Variants in HTR6 observed in about 807,000 individuals in gnomAD.
HTR6 encodes the protein 5-hydroxytryptamine receptor 6, also known as 5-hydroxytryptamine (serotonin) receptor 6, G protein-coupled.
A neutral mutation model predicts 17.4 loss-of-function variants in HTR6; 15 were observed. That is an observed-to-expected ratio of 0.86 (90% confidence interval 0.58 to 1.33). HTR6 has a LOEUF of 1.33. Among genes scored for constraint, HTR6 ranks in the 40% most tolerant of loss-of-function variants. The pLI, the probability that HTR6 is intolerant of heterozygous loss-of-function variation, is 0.00. For missense variants in HTR6, 578 were observed against 616.0 expected, an observed-to-expected ratio of 0.94 and a Z score of 0.65; for synonymous variants, 326 against 295.5, an observed-to-expected ratio of 1.10 and a Z score of -1.06.
Position 19,679,367 on chromosome 1 carries a change from G to C in HTR6, c.1322G>C (p.Ter441SerextTer69), listed in dbSNP as rs369184848. The C allele has an allele frequency of 3.2e-6, 5 of 1,582,300 alleles. No homozygotes were observed. The highest frequency in any genetic ancestry group is 4.3e-6 in the Non-Finnish European group (5 of 1,161,998). Reference sequence around the variant, plus strand: ...CATCCACTTGGCATCCCCACGAACTGACCCGGGCTTGGGGCTGGCCAATGG... The same window carrying C: ...CATCCACTTGGCATCCCCACGAACTCACCCGGGCTTGGGGCTGGCCAATGG... The part of the protein sequence containing the change: ...RPHPLGIPTN[*>S] Residue 441 changes from the stop codon to serine, a stop_lost, in exon 3 of 3, where the codon TGA becomes TCA. Transcript: ENST00000289753. The surrounding 1 kb of genome is among the most constrained non-coding windows in gnomAD (Gnocchi z 4.9).
chr1:19,666,055 T>C lies in HTR6; in HGVS notation c.302T>C (p.Leu101Pro). 6.2e-7 allele frequency: 1 copy of C among 1,613,344 alleles called. No homozygotes were observed. Among genetic ancestry groups the C allele is most frequent in the Middle Eastern group, 1.6e-4 (1 of 6,062 alleles). Residue 101 changes from leucine to proline, a missense_variant, in exon 1 of 3, where the codon CTC becomes CCC. Leu to Pro is a moderately conservative substitution (Grantham distance 98). Coordinates refer to ENST00000289753, the MANE Select transcript of HTR6 (RefSeq NM_000871.3). The surrounding 1 kb of genome is among the most constrained non-coding windows in gnomAD (Gnocchi z 4.5). The part of the protein sequence containing the change: ...RWVLARGLCL[L>P]WTAFDVMCCS... ...GTGCTGGCGCGCGGCCTCTGCCTGC[T>C]CTGGACCGCCTTCGACGTGATGTGC...
intron 1 of HTR6, among the ~76,000 whole-genome samples, chr1:19,677,325 A>G (rs912042564): frequency 2.6e-5 from 4 of 152,150 alleles, no homozygotes; most frequent in Non-Finnish European, 2.9e-5. Flanking sequence ...CAGCTCAGAG[A>G]GCCCTTTGGG....
Position 19,666,155 on chromosome 1 carries a change from C to T in HTR6, c.402C>T (p.Tyr134=). ...TGCTCATCCTCTCGCCGCTGCGCTA[C>T]AAGCTGCGCATGACGCCCCTGCGTG... ...RYLLILSPLR[Y]KLRMTPLRAL... is the part of the protein sequence containing the mutation. Residue 134 remains tyrosine (Y), a synonymous_variant, in exon 1 of 3, where the codon TAC becomes TAT. Transcript: ENST00000289753. This position sits in a 1 kb window ranked among gnomAD's most constrained non-coding sequence, Gnocchi z 4.5. The T allele has an allele frequency of 6.2e-7, 1 of 1,611,702 alleles. No individual in the cohort carries two copies. The highest frequency in any genetic ancestry group is 8.5e-7 in the Non-Finnish European group (1 of 1,179,898).
Position 19,679,162 on chromosome 1 carries a change from C to A in HTR6, c.1117C>A (p.Pro373Thr). 6.3e-7 allele frequency: 1 copy of A among 1,598,288 alleles called. No homozygotes were observed. The highest frequency in any genetic ancestry group is 8.5e-7 in the Non-Finnish European group (1 of 1,174,472). ...GLSLQQVLPL[P>T]LPPDSDSDSD... ...TAGCCTACAGCAGGTGCTGCCGCTG[C>A]CCCTGCCGCCGGACTCAGATTCGGA... is the stretch of plus-strand genomic sequence containing the variant. The change falls in exon 3 of 3, where the codon CCC becomes ACC. Residue 373 changes from proline to threonine, a missense_variant. Transcript: ENST00000289753. The surrounding 1 kb of genome is among the most constrained non-coding windows in gnomAD (Gnocchi z 4.9).
chr1:19,675,886 G>A (rs536536774), intron 1 of HTR6, among the ~76,000 whole-genome samples: 1 of 152,218 alleles, frequency 6.6e-6, no homozygotes, highest in Admixed American at 6.5e-5. Flanking sequence ...CTCTGGAGGA[G>A]AGAAAACTAG....
intron 2 of HTR6, 73 bp downstream of exon 2, chr1:19,678,798 G>T (rs2095097544): frequency 6.4e-7 from 1 of 1,567,474 alleles, no homozygotes; most frequent in Non-Finnish European, 8.7e-7. Flanking sequence ...CAGGCATGGG[G>T]ACAGGGGAGG....
At chr1:19,670,543 C>T (rs1253653387) in intron 1 of HTR6, among the ~76,000 whole-genome samples, 1 of 151,036 alleles carries the variant, frequency 6.6e-6, no homozygotes, top group Non-Finnish European at 1.5e-5. Flanking sequence ...TGGCCCACTG[C>T]AACCTCCGCT....
intron 1 of HTR6, among the ~76,000 whole-genome samples, chr1:19,676,767 C>A (rs982515848): frequency 1.3e-5 from 2 of 152,322 alleles, no homozygotes; most frequent in Non-Finnish European, 2.9e-5. Flanking sequence ...TGGCTCTGCT[C>A]CTGCCTCCTT....
Position 19,666,609 on chromosome 1 carries a change from C to T in HTR6, c.714+142C>T, listed in dbSNP as rs765049805. On this transcript the variant is annotated intron_variant, in intron 1 of 2. Transcript: ENST00000289753. The surrounding 1 kb of genome is among the most constrained non-coding windows in gnomAD (Gnocchi z 4.5). ...TGTGAGCGCCCACCTTTCTTCTGAA[C>T]TCCAGAGCCAATGCCTGACCCACCC... 2.8e-5 allele frequency: 18 copies of T among 648,988 alleles called. No individual in the cohort carries two copies. The highest frequency in any genetic ancestry group is 2.1e-4 in the Admixed American group (7 of 34,022). The allele number at this position is 648,988 out of a possible 1,614,324, so 40.2% of individuals were successfully genotyped here.
Position 19,665,982 on chromosome 1 carries a change from CTGG to C in HTR6, c.235_237del (p.Val79del). On this transcript the variant is annotated inframe_deletion, in exon 1 of 3. Coordinates refer to ENST00000289753, the MANE Select transcript of HTR6 (RefSeq NM_000871.3). This position sits in a 1 kb window ranked among gnomAD's most constrained non-coding sequence, Gnocchi z 4.2. ...CTTCACGTCTGACCTGATGGTGGGG[CTGG>C]TGGTGATGCCGCCGGCCATGCTGAA... is the stretch of plus-strand genomic sequence containing the variant. 1 of 1,613,956 alleles carries C rather than the reference CTGG, an allele frequency of 6.2e-7. No homozygotes were observed. The highest frequency in any genetic ancestry group is 8.5e-7 in the Non-Finnish European group (1 of 1,179,914).
intron 1 of HTR6, among the ~76,000 whole-genome samples, chr1:19,677,631 G>C (rs1386093294): frequency 6.6e-6 from 1 of 152,204 alleles, no homozygotes; most frequent in East Asian, 1.9e-4. Context: ...AATTGCCCAG[G>C]CAAGACTATT....
rs141714787 is a variant in HTR6 at position 19,680,798 on chromosome 1, C to T, written c.*1430C>T. ...CCCTGCCTCCCCCAAGTTCCATCAA[C>T]ACAAACTCCCAGGGGGTCCTCCATG... On this transcript the variant is annotated 3_prime_UTR_variant, in exon 3 of 3. Coordinates refer to ENST00000289753, the MANE Select transcript of HTR6 (RefSeq NM_000871.3). Among the ~76,000 whole-genome samples, 85 of 152,324 alleles carry T rather than the reference C, an allele frequency of 5.6e-4. No individual in the cohort carries two copies. The highest frequency in any genetic ancestry group is 2.0e-3 in the African/African-American group (82 of 41,572).
chr1:19,679,694 C>A lies in HTR6; in HGVS notation c.*326C>A. On this transcript the variant is annotated 3_prime_UTR_variant, in exon 3 of 3. Transcript: ENST00000289753. This position sits in a 1 kb window ranked among gnomAD's most constrained non-coding sequence, Gnocchi z 4.9. Reference sequence around the variant, plus strand: ...GATGAAAACAATCATGACCTTTGCCCATTCTGTCAGGCTGGACGGGAGGGA... The same window carrying A: ...GATGAAAACAATCATGACCTTTGCCAATTCTGTCAGGCTGGACGGGAGGGA... The A allele has an allele frequency of 3.1e-6, 1 of 318,268 alleles. No individual in the cohort carries two copies. Among genetic ancestry groups the A allele is most frequent in the Non-Finnish European group, 5.8e-6 (1 of 173,718 alleles). The allele number at this position is 318,268 out of a possible 1,614,324, so 19.7% of individuals were successfully genotyped here. A position where few individuals can be genotyped will look rare whatever the true frequency, so the allele number is the denominator to read the frequency against.
intron 1 of HTR6, among the ~76,000 whole-genome samples, chr1:19,667,003 T>G (rs989156643): frequency 2.0e-5 from 3 of 152,054 alleles, no homozygotes; most frequent in African/African-American, 7.2e-5. Flanking sequence ...CTCCCCTGCT[T>G]CAGACTCTTC....
chr1:19,675,992 G>C (rs1322012158), intron 1 of HTR6, among the ~76,000 whole-genome samples: 2 of 152,110 alleles, frequency 1.3e-5, no homozygotes, highest in South Asian at 2.1e-4. Context: ...AGTCGGAGGA[G>C]AGCATCCTCT....
chr1:19,677,757 G>A (rs898336632), intron 1 of HTR6, among the ~76,000 whole-genome samples: 2 of 152,196 alleles, frequency 1.3e-5, no homozygotes, highest in African/African-American at 4.8e-5. Flanking sequence ...GTCTGTGTGT[G>A]TGACAGAGTC....
intron 1 of HTR6, among the ~76,000 whole-genome samples, chr1:19,675,804 T>C (rs1260697480): frequency 2.0e-5 from 3 of 152,092 alleles, no homozygotes; most frequent in Non-Finnish European, 2.9e-5. Context: ...TCTTAGGAGA[T>C]TCTTTTGGGG....
chr1:19,679,933 C>A lies in HTR6; in HGVS notation c.*565C>A, dbSNP rs776956896. On this transcript the variant is annotated 3_prime_UTR_variant, in exon 3 of 3. Transcript: ENST00000289753. This position sits in a 1 kb window ranked among gnomAD's most constrained non-coding sequence, Gnocchi z 4.9. ...CAGTTTGAGATGTGCTGCCTTAGATCATCTTTAACCCTCAGAATGATTTGC... is the reference window on the plus strand; with the variant it reads ...CAGTTTGAGATGTGCTGCCTTAGATAATCTTTAACCCTCAGAATGATTTGC... 2.0e-5 allele frequency among the ~76,000 whole-genome samples: 3 copies of A among 152,168 alleles called. No homozygotes were observed. Among genetic ancestry groups the A allele is most frequent in the Non-Finnish European group, 4.4e-5 (3 of 68,038 alleles).
At chr1:19,674,585 T>C (rs902505661) in intron 1 of HTR6, among the ~76,000 whole-genome samples, 5 of 152,166 alleles carry the variant, frequency 3.3e-5, no homozygotes, top group Non-Finnish European at 7.3e-5. Context: ...TTTTTATTTT[T>C]AGCAGAGACA....
Sources: gnomAD v4.1 joint callset for allele counts (sites outside exome capture counted in the v4.1 genomes callset) on GRCh38, gnomAD v4.1.1 for gene constraint, Gnocchi (gnomAD v3.1) non-coding constraint, MANE v1.5 for transcripts, NCBI Gene and HGNC (gene_info 2026-07-23, HGNC 2026-07-21) for gene names.